The following ANKRD13D variants were observed in gnomAD, a reference collection of about 807,000 sequenced individuals.
The protein encoded by ANKRD13D is ankyrin repeat domain 13D.
A neutral mutation model predicts 68.8 loss-of-function variants in ANKRD13D; 24 were observed. The ratio of observed to expected loss-of-function variants is 0.35; its 90% confidence interval spans 0.25 to 0.49. The LOEUF is 0.49. ANKRD13D is among the 20% of genes least tolerant of loss of function. ANKRD13D has a pLI of 0.99. For synonymous variants in ANKRD13D, 331 were observed against 336.1 expected (o/e 0.98, Z 0.16); for missense variants, 735 against 832.1 (o/e 0.88, Z 1.44).
intron 3 of ANKRD13D, 62 bp from the exon 4 acceptor site, chr11:67,291,414 T>A: frequency 5.6e-5 from 73 of 1,312,214 alleles, no homozygotes; most frequent in Non-Finnish European, 6.9e-5. Context: ...GACAAGGGGC[T>A]CCCAGGCCTG....
chr11:67,299,481 TGGGGA>T lies in ANKRD13D; in HGVS notation c.799-47_799-43del, dbSNP rs1860888666. On this transcript the variant is annotated intron_variant, in intron 7 of 14. Coordinates refer to ENST00000511455, the MANE Select transcript of ANKRD13D (RefSeq NM_207354.3). This position sits in a 1 kb window ranked among gnomAD's most constrained non-coding sequence, Gnocchi z 6.2. ...GGTTCTGCACTGGTGAGGCTGAGTGTGGGGAGCAGGCTCTGAGCCCCCAGCTCCCC... is the reference window on the plus strand; with the variant it reads ...GGTTCTGCACTGGTGAGGCTGAGTGTGCAGGCTCTGAGCCCCCAGCTCCCC... 1 of 1,460,096 alleles carries T rather than the reference TGGGGA, an allele frequency of 6.8e-7. No homozygotes were observed. Among genetic ancestry groups the T allele is most frequent in the South Asian group, 1.2e-5 (1 of 81,544 alleles). The allele number at this position is 1,460,096 out of a possible 1,614,324, so 90.4% of individuals were successfully genotyped here.
In ANKRD13D at chr11:67,299,804, C is replaced by G. The variant is rs768831430; in HGVS notation, c.881-23C>G. ...CGATGCGAGCATTGTGACCCCTTAC[C>G]AGCTCCCACCCCTTCTCCGTAGCGG... On this transcript the variant is annotated intron_variant, in intron 8 of 14. Transcript: ENST00000511455. The surrounding 1 kb of genome is among the most constrained non-coding windows in gnomAD (Gnocchi z 6.2). The G allele has an allele frequency of 6.5e-7, 1 of 1,532,260 alleles. No individual in the cohort carries two copies. Among genetic ancestry groups the G allele is most frequent in the Non-Finnish European group, 8.8e-7 (1 of 1,139,580 alleles). The allele number at this position is 1,532,260 out of a possible 1,614,324, so 94.9% of individuals were successfully genotyped here.
Position 67,291,977 on chromosome 11 carries a change from C to G in ANKRD13D, c.542-14C>G, listed in dbSNP as rs746799045. The G allele has an allele frequency of 2.7e-5, 43 of 1,567,294 alleles. No homozygotes were observed. Among genetic ancestry groups the G allele is most frequent in the Non-Finnish European group, 3.6e-5 (42 of 1,151,940 alleles). ...TGATTTGCGCCCCCTCTGTCCACCC[C>G]TACCGGCCGGCAGAGGCAGGAGCCC... On this transcript the variant is annotated splice_polypyrimidine_tract_variant and intron_variant, in intron 5 of 14. Coordinates refer to ENST00000511455, the MANE Select transcript of ANKRD13D (RefSeq NM_207354.3).
intron 1 of ANKRD13D, chr11:67,289,856 G>T: frequency 7.0e-7 from 1 of 1,428,022 alleles, no homozygotes. Context: ...ACAACCTGCA[G>T]CTCTGCCTGA....
rs2136517787 is a variant in ANKRD13D, at chr11:67,290,379, A to T, written c.284A>T (p.Tyr95Phe). Residue 95 changes from tyrosine to phenylalanine, a missense_variant, in exon 3 of 15, where the codon TAT becomes TTT. Tyr to Phe is a conservative substitution (Grantham distance 22). Transcript: ENST00000511455. ...GAGATGGTGCAGCTGGTGCTCCAGTATCGGGACTACCAGAGGGCCACGCAG... is the reference window on the plus strand; with the variant it reads ...GAGATGGTGCAGCTGGTGCTCCAGTTTCGGGACTACCAGAGGGCCACGCAG... ...DPEMVQLVLQ[Y>F]RDYQRATQRL... The T allele has an allele frequency of 1.3e-6, 2 of 1,588,870 alleles. No individual in the cohort carries two copies. Among genetic ancestry groups the T allele is most frequent in the East Asian group, 2.3e-5 (1 of 44,024 alleles).
rs150594878 is a variant in ANKRD13D at position 67,299,872 on chromosome 11, A to G, written c.926A>G (p.His309Arg). The G allele has an allele frequency of 3.0e-5, 46 of 1,543,164 alleles. No homozygotes were observed. The highest frequency in any genetic ancestry group is 3.6e-5 in the Non-Finnish European group (41 of 1,143,950). ...TCCTTCCTGGGGATGGCGCAGCAGC[A>G]TTCCTCCCACACCGGGGTGAGCCGG... ...FQSFLGMAQQ[H>R]SSHTGAPVQQ... Residue 309 changes from histidine (H) to arginine (R), a missense_variant, in exon 9 of 15, where the codon CAT becomes CGT. By Grantham distance (29) the His-to-Arg change is conservative. Coordinates refer to ENST00000511455, the MANE Select transcript of ANKRD13D (RefSeq NM_207354.3). This position sits in a 1 kb window ranked among gnomAD's most constrained non-coding sequence, Gnocchi z 6.2.
Position 67,299,804 on chromosome 11 carries a change from C to T in ANKRD13D, c.881-23C>T. The T allele has an allele frequency of 1.3e-6, 2 of 1,532,260 alleles. No homozygotes were observed. The highest frequency in any genetic ancestry group is 1.8e-6 in the Non-Finnish European group (2 of 1,139,580). The allele number at this position is 1,532,260 out of a possible 1,614,324, so 94.9% of individuals were successfully genotyped here. ...CGATGCGAGCATTGTGACCCCTTAC[C>T]AGCTCCCACCCCTTCTCCGTAGCGG... On this transcript the variant is annotated intron_variant, in intron 8 of 14. Transcript: ENST00000511455. This position sits in a 1 kb window ranked among gnomAD's most constrained non-coding sequence, Gnocchi z 6.2.
At chr11:67,291,846 G>A in intron 5 of ANKRD13D, 100 bp downstream of exon 5, 2 of 1,532,096 alleles carry the variant, frequency 1.3e-6, no homozygotes, top group Non-Finnish European at 1.8e-6. Context: ...AGATGTGGAA[G>A]CTGAGGTTGG....
chr11:67,301,845 C>G lies in ANKRD13D; in HGVS notation c.1604+22C>G. On this transcript the variant is annotated intron_variant, in intron 14 of 14. Coordinates refer to ENST00000511455, the MANE Select transcript of ANKRD13D (RefSeq NM_207354.3). The surrounding 1 kb of genome is among the most constrained non-coding windows in gnomAD (Gnocchi z 4.5). ...AGCGGTGAGCCCCTCATGGGGCTGGCTGGGTCCCTGTCCCCCCAGCCCTGG... is the reference window on the plus strand; with the variant it reads ...AGCGGTGAGCCCCTCATGGGGCTGGGTGGGTCCCTGTCCCCCCAGCCCTGG... The G allele has an allele frequency of 6.4e-7, 1 of 1,567,274 alleles. No individual in the cohort carries two copies. Among genetic ancestry groups the G allele is most frequent in the Non-Finnish European group, 8.7e-7 (1 of 1,155,944 alleles).
At chr11:67,289,734 C>G in intron 1 of ANKRD13D, 184 bp downstream of exon 1, 6 of 1,396,328 alleles carry the variant, frequency 4.3e-6, no homozygotes, top group East Asian at 2.8e-5. Context: ...CTGGCCTCCT[C>G]TCCCCTGCGC....
At position 67,291,687 on chromosome 11, in the gene ANKRD13D, TG is replaced by T. The variant is rs1256177937; in HGVS notation, c.485del (p.Gly162AlafsTer5). 6.2e-7 allele frequency: 1 copy of T among 1,614,108 alleles called. No individual in the cohort carries two copies. The highest frequency in any genetic ancestry group is 8.5e-7 in the Non-Finnish European group (1 of 1,180,026). ...AGCCTGCGAGTAGACACCAGTCTCCTGGGCTTCGAGCACATGACCTGGCAGC... is the reference window on the plus strand; with the variant it reads ...AGCCTGCGAGTAGACACCAGTCTCCTGGCTTCGAGCACATGACCTGGCAGC... ...GESLRVDTSLLGFEHMTWQRG... is the reference protein window; with the variant it reads ...GESLRVDTSLXGFEHMTWQRG... On this transcript the variant is annotated frameshift_variant, in exon 5 of 15. Transcript: ENST00000511455. LOFTEE classifies it high-confidence loss of function.
intron 6 of ANKRD13D, among the ~76,000 whole-genome samples, chr11:67,293,196 C>T (rs1860646358): frequency 6.6e-6 from 1 of 152,136 alleles, no homozygotes; most frequent in South Asian, 2.1e-4. Context: ...AGTGGAATTG[C>T]TAGGTTACTG....
At chr11:67,290,861 C>G (rs1172316949) in intron 3 of ANKRD13D, 1 of 193,252 alleles carries the variant, frequency 5.2e-6, no homozygotes, top group Non-Finnish European at 1.1e-5. Context: ...CCACTGTGCC[C>G]CCTTTACAGA....
intron 1 of ANKRD13D, chr11:67,289,825 C>T: frequency 7.0e-7 from 1 of 1,424,988 alleles, no homozygotes; most frequent in Non-Finnish European, 9.1e-7. Flanking sequence ...GTCCTGGTCC[C>T]CAGGTTCCGC....
In ANKRD13D at chr11:67,299,885, C is replaced by T. The variant is rs140574351; in HGVS notation, c.939C>T (p.Thr313=). The T allele has an allele frequency of 1.6e-5, 25 of 1,545,816 alleles. No individual in the cohort carries two copies. In the African/African-American group the frequency reaches 2.1e-4, roughly 13 times the overall value. ...TGGCGCAGCAGCATTCCTCCCACACCGGGGTGAGCCGGGGCTGGGCCGAGA... is the reference window on the plus strand; with the variant it reads ...TGGCGCAGCAGCATTCCTCCCACACTGGGGTGAGCCGGGGCTGGGCCGAGA... ...LGMAQQHSSH[T]GAPVQQAASP... is the part of the protein sequence containing the mutation. Residue 313 remains threonine, a synonymous_variant, in exon 9 of 15, where the codon ACC becomes ACT. Transcript: ENST00000511455. The surrounding 1 kb of genome is among the most constrained non-coding windows in gnomAD (Gnocchi z 6.2).
intron 1 of ANKRD13D, chr11:67,289,875 C>T: frequency 1.4e-6 from 2 of 1,432,804 alleles, no homozygotes; most frequent in Non-Finnish European, 1.8e-6. Flanking sequence ...GACCAGGCCC[C>T]GCCGCCAGAC....
Position 67,301,863 on chromosome 11 carries a change from A to T in ANKRD13D, c.1604+40A>T, listed in dbSNP as rs1421413763. 9.1e-6 allele frequency: 14 copies of T among 1,544,322 alleles called. No homozygotes were observed. Among genetic ancestry groups the T allele is most frequent in the East Asian group, 2.4e-5 (1 of 42,296 alleles). ...GGGCTGGCTGGGTCCCTGTCCCCCC[A>T]GCCCTGGCTTGGCGGGGAGGGGGAT... On this transcript the variant is annotated intron_variant, in intron 14 of 14. Coordinates refer to ENST00000511455, the MANE Select transcript of ANKRD13D (RefSeq NM_207354.3). This position sits in a 1 kb window ranked among gnomAD's most constrained non-coding sequence, Gnocchi z 4.5.
chr11:67,301,945 C>G lies in ANKRD13D; in HGVS notation c.1604+122C>G. On this transcript the variant is annotated intron_variant, in intron 14 of 14. Coordinates refer to ENST00000511455, the MANE Select transcript of ANKRD13D (RefSeq NM_207354.3). The surrounding 1 kb of genome is among the most constrained non-coding windows in gnomAD (Gnocchi z 4.5). ...GCAAGGCCACCCTCTGTCAGCAGCG[C>G]TATCTGCCACCAAAGGTGGTGTGAG... 1 of 1,334,782 alleles carries G rather than the reference C, an allele frequency of 7.5e-7. No individual in the cohort carries two copies. The highest frequency in any genetic ancestry group is 2.5e-5 in the East Asian group (1 of 39,540). The allele number at this position is 1,334,782 out of a possible 1,614,324, so 82.7% of individuals were successfully genotyped here.
At position 67,299,785 on chromosome 11, in the gene ANKRD13D, G is replaced by A. The variant is rs185439482; in HGVS notation, c.881-42G>A. On this transcript the variant is annotated intron_variant, in intron 8 of 14. Coordinates refer to ENST00000511455, the MANE Select transcript of ANKRD13D (RefSeq NM_207354.3). The surrounding 1 kb of genome is among the most constrained non-coding windows in gnomAD (Gnocchi z 6.2). The stretch of plus-strand genomic sequence containing the variant: ...GGGTGGAGGTGGGCAGGGGCGATGC[G>A]AGCATTGTGACCCCTTACCAGCTCC... The A allele has an allele frequency of 7.8e-5, 120 of 1,533,944 alleles. 2 individuals carry two copies. In the East Asian group the frequency reaches 1.4e-3, roughly 18 times the overall value.
Sources: gnomAD v4.1 joint callset for allele counts (sites outside exome capture counted in the v4.1 genomes callset) on GRCh38, gnomAD v4.1.1 for gene constraint, Gnocchi (gnomAD v3.1) non-coding constraint, MANE v1.5 for transcripts, NCBI Gene and HGNC (gene_info 2026-07-23, HGNC 2026-07-21) for gene names.